Variants in AMZ1 observed in about 807,000 individuals in gnomAD.
The protein encoded by AMZ1 is archaelysin family metallopeptidase 1, also known as archaemetzincin-1.
In AMZ1, 39 loss-of-function variants were observed where a neutral mutation model predicts 29.9. The observed-to-expected ratio is 1.30, with a 90% CI of 1.01 to 1.70. AMZ1 has a LOEUF of 1.70. Ranked by LOEUF, AMZ1 falls within the 40% of genes most tolerant of loss-of-function variation. The pLI, the probability that AMZ1 is intolerant of heterozygous loss-of-function variation, is 0.00. For synonymous variants in AMZ1, 458 were observed against 304.0 expected (o/e 1.51, Z -5.27); for missense variants, 1,041 against 680.6 (o/e 1.53, Z -5.89).
intron 4 of AMZ1, among the ~76,000 whole-genome samples, chr7:2,756,605 TCAAACAAA>T (rs139218513): frequency 3.3e-5 from 5 of 151,418 alleles, no homozygotes; most frequent in African/African-American, 9.7e-5. Context: ...AGACCCTGTC[TCAAACAAA>T]CAAACAAACA....
At chr7:2,698,190 T>C (rs1787849411) in intron 1 of AMZ1, among the ~76,000 whole-genome samples, 1 of 152,106 alleles carries the variant, frequency 6.6e-6, no homozygotes, top group Non-Finnish European at 1.5e-5. Context: ...CACTATACTC[T>C]AGCCTGGGCA....
chr7:2,711,783 C>T (rs11763319), intron 6 of AMZ1, among the ~76,000 whole-genome samples: 17,454 of 151,956 alleles, frequency 0.11, 1,055 homozygotes, highest in South Asian at 0.16. Flanking sequence ...GTGGCTCACA[C>T]CTGTAATCCC....
chr7:2,709,119 A>C lies in AMZ1; in HGVS notation c.646A>C (p.Lys216Gln), dbSNP rs1788571237. 1.2e-6 allele frequency: 2 copies of C among 1,600,838 alleles called. No individual in the cohort carries two copies. The highest frequency in any genetic ancestry group is 8.5e-7 in the Non-Finnish European group (1 of 1,174,018). ...CGCCCGGTTCTCAGGGGAATTCCCG[A>C]AGTCGGGGCCCAGCGCCCCTGATCT... is the stretch of plus-strand genomic sequence containing the variant. ...SFARFSGEFP[K>Q]SGPSAPDLAL... Residue 216 changes from lysine (K) to glutamine (Q), a missense_variant, in exon 5 of 7, where the codon AAG (lysine) becomes CAG (glutamine). By Grantham distance (53) the Lys-to-Gln change is moderately conservative. Coordinates refer to ENST00000683327, the MANE Select transcript of AMZ1 (RefSeq NM_001384743.1).
At chr7:2,688,432 C>T (rs1030189237) in intron 1 of AMZ1, 136 bp downstream of exon 1, 2 of 152,010 alleles carry the variant, frequency 1.3e-5, no homozygotes, top group Non-Finnish European at 2.9e-5. Context: ...GCGGCGGCGG[C>T]TACGGGCGCG....
chr7:2,691,391 GTTA>G (rs1787377906), intron 1 of AMZ1, among the ~76,000 whole-genome samples: 1 of 148,376 alleles, frequency 6.7e-6, no homozygotes, highest in Non-Finnish European at 1.5e-5. Context: ...AGTCTCCTGG[GTTA>G]TGACATGGGT....
In AMZ1 at chr7:2,688,853, G is replaced by A. The variant is rs1562355018; in HGVS notation, c.-219+557G>A. 1.3e-5 allele frequency among the ~76,000 whole-genome samples: 2 copies of A among 152,224 alleles called. 1 individual carries two copies. Among genetic ancestry groups the A allele is most frequent in the African/African-American group, 4.8e-5 (2 of 41,456 alleles). ...ATGATCCCTGCAGGGATGTAAGACA[G>A]GTCTCAAAACCAGAAAAGCAAGGGA... is the stretch of plus-strand genomic sequence containing the variant. On this transcript the variant is annotated intron_variant, in intron 1 of 6. Coordinates refer to ENST00000683327, the MANE Select transcript of AMZ1 (RefSeq NM_001384743.1).
rs1381510675 is a variant in AMZ1, at chr7:2,714,242, T to C, written c.*1364T>C. On this transcript the variant is annotated 3_prime_UTR_variant, in exon 7 of 7. Coordinates refer to ENST00000683327, the MANE Select transcript of AMZ1 (RefSeq NM_001384743.1). ...AGAACAGGGCAGCTTGGACCTTTTG[T>C]GGGTGGGTGGCTCACACGGTTATGG... 6.6e-6 allele frequency: 1 copy of C among 152,294 alleles called. No homozygotes were observed. The highest frequency in any genetic ancestry group is 2.4e-5 in the African/African-American group (1 of 41,414). The allele number at this position is 152,294 out of a possible 1,614,324, so 9.4% of individuals were successfully genotyped here. A position where few individuals can be genotyped will look rare whatever the true frequency, so the allele number is the denominator to read the frequency against.
At chr7:2,695,590 G>C (rs1047156707) in intron 1 of AMZ1, among the ~76,000 whole-genome samples, 2 of 151,444 alleles carry the variant, frequency 1.3e-5, no homozygotes, top group African/African-American at 4.9e-5. Context: ...GTACATGTCC[G>C]TAGTCTCAGC....
intron 3 of AMZ1, among the ~76,000 whole-genome samples, chr7:2,703,903 T>C (rs567355692): frequency 4.6e-5 from 7 of 152,354 alleles, no homozygotes; most frequent in African/African-American, 1.7e-4. Context: ...TACTTTTTTT[T>C]TCTGAGACAG....
Position 2,702,881 on chromosome 7 carries a change from T to A in AMZ1, c.464T>A (p.Leu155His). ...RPSRDSDRLQLHTDGILSFLK... is the reference protein window; with the variant it reads ...RPSRDSDRLQHHTDGILSFLK... ...AGCCGGGACTCTGACAGGCTCCAGCTCCACACAGGTGAGTGAGGACGGCAG... is the reference window on the plus strand; with the variant it reads ...AGCCGGGACTCTGACAGGCTCCAGCACCACACAGGTGAGTGAGGACGGCAG... Residue 155 changes from leucine (L) to histidine (H), a missense_variant, in exon 3 of 7, where the codon CTC becomes CAC. Physicochemically the swap from Leu to His is moderately conservative, Grantham distance 99. Coordinates refer to ENST00000683327, the MANE Select transcript of AMZ1 (RefSeq NM_001384743.1). 2 of 1,585,820 alleles carry A rather than the reference T, an allele frequency of 1.3e-6. No homozygotes were observed. Among genetic ancestry groups the A allele is most frequent in the South Asian group, 1.1e-5 (1 of 87,770 alleles).
intron 1 of AMZ1, among the ~76,000 whole-genome samples, chr7:2,679,981 G>T (rs1786825799): frequency 6.6e-6 from 1 of 152,210 alleles, no homozygotes; most frequent in African/African-American, 2.4e-5. Flanking sequence ...TGTGAGGCTG[G>T]GGCAGACAGA....
intron 1 of AMZ1, among the ~76,000 whole-genome samples, chr7:2,697,793 C>T (rs559278553): frequency 6.6e-6 from 1 of 152,182 alleles, no homozygotes; most frequent in South Asian, 2.1e-4. Flanking sequence ...CAAAAAGATA[C>T]AGGATTATAT....
upstream of AMZ1, among the ~76,000 whole-genome samples, chr7:2,686,044 G>A (rs543548067): frequency 2.0e-5 from 3 of 152,208 alleles, no homozygotes; most frequent in Admixed American, 2.0e-4. Flanking sequence ...AAGATCTGTG[G>A]AAACAAGATC....
chr7:2,721,726 AAAAAG>A (rs1422831230), downstream of AMZ1, among the ~76,000 whole-genome samples: 9 of 152,008 alleles, frequency 5.9e-5, no homozygotes, highest in African/African-American at 2.2e-4. Context: ...AAAAAAAAAA[AAAAAG>A]ATAGCGGCGG....
rs1789115279 is a variant in AMZ1, at chr7:2,716,238, ATC to A, written c.*3366_*3367del. Reference sequence around the variant, plus strand: ...AGAAGCAGTGTCCCCTCTGAGGCAAATCTCTCTTCAGGCAGCCCCGCAGTCCT... The same window carrying A: ...AGAAGCAGTGTCCCCTCTGAGGCAAATCTCTTCAGGCAGCCCCGCAGTCCT... On this transcript the variant is annotated 3_prime_UTR_variant, in exon 7 of 7. Transcript: ENST00000683327. 6.6e-6 allele frequency: 1 copy of A among 152,294 alleles called. No homozygotes were observed. The highest frequency in any genetic ancestry group is 2.4e-5 in the African/African-American group (1 of 41,522). The allele number at this position is 152,294 out of a possible 1,614,324, so 9.4% of individuals were successfully genotyped here. A position where few individuals can be genotyped will look rare whatever the true frequency, so the allele number is the denominator to read the frequency against.
rs376501926 is a variant in AMZ1 at position 2,700,720 on chromosome 7, G to A, written c.269G>A (p.Arg90His). 3.3e-5 allele frequency: 53 copies of A among 1,612,926 alleles called. No individual in the cohort carries two copies. The highest frequency in any genetic ancestry group is 3.3e-4 in the Middle Eastern group (2 of 6,064). Residue 90 changes from arginine to histidine, a missense_variant, in exon 2 of 7, where the codon CGC (arginine) becomes CAC (histidine). By Grantham distance (29) the Arg-to-His change is conservative. Transcript: ENST00000683327. ...FHASLQHRKP[R>H]LARKHIYLQP... Reference sequence around the variant, plus strand: ...GCCTCCCTGCAGCACCGGAAGCCCCGCCTGGCTCGGAAGCACATCTACCTA... The same window carrying A: ...GCCTCCCTGCAGCACCGGAAGCCCCACCTGGCTCGGAAGCACATCTACCTA...
chr7:2,709,526 C>G, intron 5 of AMZ1, 114 bp from the exon 6 acceptor site: 2 of 1,457,598 alleles, frequency 1.4e-6, no homozygotes, highest in Non-Finnish European at 1.8e-6. Context: ...GGACCACCTC[C>G]CGGCCATCTG....
intron 4 of AMZ1, among the ~76,000 whole-genome samples, chr7:2,758,895 A>T (rs58991173): frequency 6.6e-6 from 1 of 152,104 alleles, no homozygotes; most frequent in Non-Finnish European, 1.5e-5. Context: ...CTATAATCCC[A>T]GCGCTCTGGG....
chr7:2,745,232 T>C (rs1030138873), intron 4 of AMZ1, among the ~76,000 whole-genome samples: 1 of 151,870 alleles, frequency 6.6e-6, no homozygotes, highest in Non-Finnish European at 1.5e-5. Context: ...TTCACCAAAG[T>C]TGAAATGAAG....
Sources: gnomAD v4.1 joint callset for allele counts (sites outside exome capture counted in the v4.1 genomes callset) on GRCh38, gnomAD v4.1.1 for gene constraint, MANE v1.5 for transcripts, NCBI Gene and HGNC (gene_info 2026-07-23, HGNC 2026-07-21) for gene names.